PLXDC1: variants seen among roughly 807,000 people sequenced by gnomAD.
PLXDC1 encodes the protein plexin domain-containing protein 1.
A neutral mutation model predicts 61.3 loss-of-function variants in PLXDC1; 39 were observed. The ratio of observed to expected loss-of-function variants is 0.64; its 90% CI spans 0.49 to 0.83. The LOEUF is 0.83. PLXDC1 is among the 40% of genes least tolerant of loss of function. The pLI is 0.00. For missense variants in PLXDC1, 596 were observed against 666.5 expected (o/e 0.89, Z 1.17); for synonymous variants, 212 against 254.5 (o/e 0.83, Z 1.59).
chr17:39,091,594 G>A (rs569484352), intron 7 of PLXDC1, among the ~76,000 whole-genome samples: 4 of 152,274 alleles, frequency 2.6e-5, no homozygotes, highest in South Asian at 2.1e-4. Context: ...CGAGCACTGC[G>A]CAGGTGTGGG....
In PLXDC1 at chr17:39,139,766, G is replaced by A; in HGVS notation, c.143C>T (p.Ala48Val). 6.2e-7 allele frequency: 1 copy of A among 1,613,936 alleles called. No homozygotes were observed. Among genetic ancestry groups the A allele is most frequent in the South Asian group, 1.1e-5 (1 of 91,066 alleles). ...TGACACATGCCCAGGGCTCTCTCGG[G>A]CTCTCCGGTTCCAGCCCCGCACGGT... ...KGTVRGWNRR[A>V]RESPGHVSEP... is the part of the protein sequence containing the mutation. The change falls in exon 2 of 14, where the codon GCC (alanine) becomes GTC (valine). Residue 48 changes from alanine (A) to valine (V), a missense_variant. By Grantham distance (64) the Ala-to-Val change is moderately conservative. Transcript: ENST00000315392.
rs1218887844 is a variant in PLXDC1, at chr17:39,063,861, GC to G, written c.*3978del. The G allele has an allele frequency of 4.8e-6, 1 of 209,974 alleles. No individual in the cohort carries two copies. Among genetic ancestry groups the G allele is most frequent in the Non-Finnish European group, 9.6e-6 (1 of 103,776 alleles). The allele number at this position is 209,974 out of a possible 1,614,324, so 13.0% of individuals were successfully genotyped here. A position where few individuals can be genotyped will look rare whatever the true frequency, so the allele number is the denominator to read the frequency against. ...GTGCAGCCCCTGATCAGTGCTTCAT[GC>G]CAATCTGTGAGTCTGTTCCAGGAAC... On this transcript the variant is annotated 3_prime_UTR_variant, in exon 14 of 14. Transcript: ENST00000315392.
In PLXDC1 at chr17:39,067,123, C is replaced by T. The variant is rs1438072670; in HGVS notation, c.*717G>A. The T allele has an allele frequency of 6.6e-6, 1 of 152,154 alleles. No individual in the cohort carries two copies. Among genetic ancestry groups the T allele is most frequent in the African/African-American group, 2.4e-5 (1 of 41,398 alleles). The allele number at this position is 152,154 out of a possible 1,614,324, so 9.4% of individuals were successfully genotyped here. A position where few individuals can be genotyped will look rare whatever the true frequency, so the allele number is the denominator to read the frequency against. ...GCGTCATAGCCAATACGTTGAGAGA[C>T]AAGGAGTTGGAGCAAGGAAAGGGAC... On this transcript the variant is annotated 3_prime_UTR_variant, in exon 14 of 14. Coordinates refer to ENST00000315392, the MANE Select transcript of PLXDC1 (RefSeq NM_020405.5).
At chr17:39,118,453 C>A (rs555455730) in intron 2 of PLXDC1, among the ~76,000 whole-genome samples, 1 of 152,154 alleles carries the variant, frequency 6.6e-6, no homozygotes, top group Non-Finnish European at 1.5e-5. Flanking sequence ...ATCCACCCAC[C>A]TTGGTCTCCC....
intron 2 of PLXDC1, among the ~76,000 whole-genome samples, chr17:39,124,103 C>G (rs73983216): frequency 1.3e-5 from 2 of 151,956 alleles, no homozygotes; most frequent in Non-Finnish European, 2.9e-5. Context: ...ACCCCTGGGC[C>G]GCAACATCAG....
At chr17:39,095,371 C>T (rs1598194051) in intron 7 of PLXDC1, among the ~76,000 whole-genome samples, 1 of 9,084 alleles carries the variant, frequency 1.1e-4, no homozygotes, top group East Asian at 4.7e-3. Flanking sequence ...CGCCCCGCCC[C>T]CCCCCCCCAA....
intron 5 of PLXDC1, 84 bp downstream of exon 5, chr17:39,108,039 C>T: frequency 6.4e-7 from 1 of 1,552,550 alleles, no homozygotes; most frequent in Non-Finnish European, 8.9e-7. Flanking sequence ...GGACCCTTGC[C>T]CTCTCTAGGC....
chr17:39,128,097 G>GTATATA (rs1419922925), intron 2 of PLXDC1, among the ~76,000 whole-genome samples: 8 of 67,474 alleles, frequency 1.2e-4, no homozygotes, highest in East Asian at 5.1e-4. Context: ...CTCTCTATGT[G>GTATATA]TATATATATA....
At chr17:39,146,728 T>C (rs2045344817) in intron 1 of PLXDC1, among the ~76,000 whole-genome samples, 1 of 151,300 alleles carries the variant, frequency 6.6e-6, no homozygotes, top group Non-Finnish European at 1.5e-5. Flanking sequence ...TGGTGGTGCA[T>C]GCCTGCAGTC....
At chr17:39,146,948 A>ATTTTTTTTTTTTTT (rs869300584) in intron 1 of PLXDC1, among the ~76,000 whole-genome samples, 9 of 74,696 alleles carry the variant, frequency 1.2e-4, no homozygotes, top group African/African-American at 4.7e-4. Flanking sequence ...ACAGGAAATG[A>ATTTTTTTTTTTTTT]TTTTTTTTTT....
intron 8 of PLXDC1, among the ~76,000 whole-genome samples, chr17:39,087,388 G>A (rs2143462090): frequency 6.6e-6 from 1 of 152,292 alleles, no homozygotes; most frequent in South Asian, 2.1e-4. Flanking sequence ...ATCAATGTCA[G>A]AGCTGCGGCC....
chr17:39,130,938 C>T lies in PLXDC1; in HGVS notation c.255+8716G>A, dbSNP rs968338841. On this transcript the variant is annotated intron_variant, in intron 2 of 13. Transcript: ENST00000315392. ...AAAGAAACTAACCAATCAACCAACACACCACCCTGCCCAAGGAGAAAGGAA... is the reference window on the plus strand; with the variant it reads ...AAAGAAACTAACCAATCAACCAACATACCACCCTGCCCAAGGAGAAAGGAA... Among the ~76,000 whole-genome samples the T allele has an allele frequency of 2.6e-5, 4 of 152,250 alleles. No individual in the cohort carries two copies. In the South Asian group the frequency reaches 8.3e-4, roughly 32 times the overall value.
chr17:39,097,073 C>G (rs1354253471), intron 7 of PLXDC1: 2 of 458,838 alleles, frequency 4.4e-6, no homozygotes, highest in Admixed American at 2.4e-5. Flanking sequence ...GGAGTCCTCC[C>G]CATTGCACCT....
intron 11 of PLXDC1, among the ~76,000 whole-genome samples, chr17:39,076,508 CA>C (rs34943653): frequency 0.06 from 5,055 of 84,950 alleles, 60 homozygotes; most frequent in Non-Finnish European, 0.076. Flanking sequence ...GACCCTGTCT[CA>C]AAAAAAAAAA....
intron 7 of PLXDC1, among the ~76,000 whole-genome samples, chr17:39,090,552 CTG>C (rs1394838171): frequency 6.6e-6 from 1 of 152,194 alleles, no homozygotes; most frequent in Non-Finnish European, 1.5e-5. Flanking sequence ...CAGACAGGCT[CTG>C]CCCTTACCGC....
intron 10 of PLXDC1, 97 bp from the exon 11 acceptor site, chr17:39,078,145 G>T: frequency 8.2e-7 from 1 of 1,220,848 alleles, no homozygotes; most frequent in Non-Finnish European, 1.1e-6. Context: ...TCTGTCAGCT[G>T]CTTCAAATCC....
chr17:39,121,778 T>C (rs772134049), intron 2 of PLXDC1, among the ~76,000 whole-genome samples: 1 of 152,168 alleles, frequency 6.6e-6, no homozygotes, highest in African/African-American at 2.4e-5. Flanking sequence ...TACATGACTA[T>C]GTCTGGCCAA....
At chr17:39,128,107 A>ATATATATATATATATATATATATATATG (rs1291982693) in intron 2 of PLXDC1, among the ~76,000 whole-genome samples, 11 of 100,630 alleles carry the variant, frequency 1.1e-4, no homozygotes, top group East Asian at 3.5e-4. Flanking sequence ...GTATATATAT[A>ATATATATATATATATATATATATATATG]TATATATGTA....
intron 2 of PLXDC1, among the ~76,000 whole-genome samples, chr17:39,113,938 T>C (rs538798136): frequency 6.6e-6 from 1 of 152,296 alleles, no homozygotes; most frequent in Admixed American, 6.5e-5. Context: ...AGGATTACCA[T>C]GTGACACAGG....
Sources: gnomAD v4.1 joint callset for allele counts (sites outside exome capture counted in the v4.1 genomes callset) on GRCh38, gnomAD v4.1.1 for gene constraint, MANE v1.5 for transcripts, NCBI Gene and HGNC (gene_info 2026-07-23, HGNC 2026-07-21) for gene names.